The following LCOR variants were observed in gnomAD, a reference collection of about 807,000 sequenced individuals.
LCOR encodes the protein ligand dependent nuclear receptor corepressor.
LCOR carries 14 observed loss-of-function variants against 64.4 expected under a neutral mutation model. The ratio of observed to expected loss-of-function variants is 0.22; its 90% CI spans 0.14 to 0.34. The LOEUF (loss-of-function observed/expected upper bound fraction) is 0.34, where lower values mean the gene tolerates loss of function less well. Among genes scored for constraint, LCOR ranks in the 10% least tolerant of loss-of-function variants. LCOR has a pLI of 1.00. For synonymous variants in LCOR, 643 were observed against 642.5 expected, an observed-to-expected ratio of 1.00 and a Z score of -0.01; for missense variants, 1,686 against 1,765.3, an observed-to-expected ratio of 0.96 and a Z score of 0.80.
At chr10:96,927,435 T>C (rs1201376322) in intron 4 of LCOR, among the ~76,000 whole-genome samples, 1 of 152,094 alleles carries the variant, frequency 6.6e-6, no homozygotes, top group African/African-American at 2.4e-5. Context: ...TGTCTTTTTC[T>C]TTGCGTCATT....
intron 2 of LCOR, among the ~76,000 whole-genome samples, chr10:96,838,863 C>T (rs983099747): frequency 6.6e-6 from 1 of 151,686 alleles, no homozygotes; most frequent in Non-Finnish European, 1.5e-5. Context: ...ATTACTGGGT[C>T]ATGTGGTAAC....
chr10:96,854,416 T>C (rs1845769896), intron 2 of LCOR, among the ~76,000 whole-genome samples: 1 of 152,234 alleles, frequency 6.6e-6, no homozygotes, highest in East Asian at 1.9e-4. Flanking sequence ...AGCCTCCGCC[T>C]CCTGGGTTCA....
At chr10:96,965,006 T>TA (rs199815564) in intron 7 of LCOR, among the ~76,000 whole-genome samples, 1 of 151,626 alleles carries the variant, frequency 6.6e-6, no homozygotes. Flanking sequence ...GCTCAACATT[T>TA]AAAAAAAATT....
In LCOR at chr10:96,995,610, C is replaced by T. The variant is rs544940029; in HGVS notation, c.*10476C>T. ...TAAAATTTTAAAATATATTAAGTTG[C>T]TTTAAAACAATATGTATAGCTATAA... On this transcript the variant is annotated 3_prime_UTR_variant, in exon 8 of 8. Coordinates refer to ENST00000421806, the MANE Select transcript of LCOR (RefSeq NM_001346516.2). The surrounding 1 kb of genome is among the most constrained non-coding windows in gnomAD (Gnocchi z 4.2). 6.6e-6 allele frequency: 1 copy of T among 152,242 alleles called. No homozygotes were observed. The highest frequency in any genetic ancestry group is 2.4e-5 in the African/African-American group (1 of 41,528). 9.4% of individuals were successfully genotyped at this position (152,242 alleles called of 1,614,324 possible).
At position 96,949,312 on chromosome 10, in the gene LCOR, A is replaced by G; in HGVS notation, c.238+17A>G. 1 of 1,612,524 alleles carries G rather than the reference A, an allele frequency of 6.2e-7. No individual in the cohort carries two copies. Among genetic ancestry groups the G allele is most frequent in the Non-Finnish European group, 8.5e-7 (1 of 1,178,590 alleles). ...GCGAACAAGGTATGGTTTGATGTCA[A>G]GGTCTCCTCTATCTTATCAGAATAC... On this transcript the variant is annotated intron_variant, in intron 6 of 7. Transcript: ENST00000421806.
At position 96,978,126 on chromosome 10, in the gene LCOR, G is replaced by A. The variant is rs543387978; in HGVS notation, c.333-2667G>A. Reference sequence around the variant, plus strand: ...ACATAGTGACAAAGTTCTTCCTAAAGGGGTCTGGGGTCCTTCAGCAGGGGC... The same window carrying A: ...ACATAGTGACAAAGTTCTTCCTAAAAGGGTCTGGGGTCCTTCAGCAGGGGC... On this transcript the variant is annotated intron_variant, in intron 7 of 7. Coordinates refer to ENST00000421806, the MANE Select transcript of LCOR (RefSeq NM_001346516.2). Among the ~76,000 whole-genome samples, 3 of 152,284 alleles carry A rather than the reference G, an allele frequency of 2.0e-5. No individual in the cohort carries two copies. The East Asian group carries it at 5.8e-4, about 29-fold the overall frequency.
chr10:96,981,283 A>C lies in LCOR; in HGVS notation c.823A>C (p.Asn275His). 7.5e-7 allele frequency: 1 copy of C among 1,332,996 alleles called. No individual in the cohort carries two copies. Among genetic ancestry groups the C allele is most frequent in the Non-Finnish European group, 1.1e-6 (1 of 933,368 alleles). The allele number at this position is 1,332,996 out of a possible 1,614,324, so 82.6% of individuals were successfully genotyped here. ...CACTCCGGGATACCTCACTGCATCT[A>C]ATTGTTCCTCAGTGAACTTCCACCA... ...SFTPGYLTAS[N>H]CSSVNFHHIP... The change falls in exon 8 of 8, where the codon AAT (asparagine) becomes CAT (histidine). Residue 275 changes from asparagine to histidine, a missense_variant. Physicochemically the swap from Asn to His is moderately conservative, Grantham distance 68. Around this residue, in one of 3 missense-constraint regions of LCOR, gnomAD observed 313 missense variants for 247.2 expected, o/e 1.27. Transcript: ENST00000421806.
chr10:96,913,759 T>A (rs1207413891), intron 4 of LCOR, among the ~76,000 whole-genome samples: 1 of 152,140 alleles, frequency 6.6e-6, no homozygotes, highest in African/African-American at 2.4e-5. Flanking sequence ...CCATCTCTAC[T>A]GAAAATACAA....
intron 7 of LCOR, chr10:96,958,405 G>GT: frequency 2.7e-6 from 4 of 1,505,874 alleles, no homozygotes; most frequent in Non-Finnish European, 3.6e-6. Context: ...TTCTATGTGT[G>GT]TTTCAGTGGA....
intron 7 of LCOR, among the ~76,000 whole-genome samples, chr10:96,954,054 T>C (rs181955388): frequency 1.3e-5 from 2 of 152,192 alleles, no homozygotes; most frequent in Non-Finnish European, 2.9e-5. Flanking sequence ...AATTTCAAAA[T>C]AGGTGTTTGG....
At chr10:96,872,152 A>T (rs1201964159) in intron 2 of LCOR, among the ~76,000 whole-genome samples, 2 of 152,236 alleles carry the variant, frequency 1.3e-5, no homozygotes, top group Non-Finnish European at 2.9e-5. Context: ...ATAGATAGCC[A>T]TGTCTGATAG....
chr10:96,984,063 G>A lies in LCOR; in HGVS notation c.3603G>A (p.Lys1201=), dbSNP rs1309645140. ...CCCGGTCTCTAGTCATTGTGAAGAA[G>A]CTCAATACTCGCCTTCCAGGAGACG... is the stretch of plus-strand genomic sequence containing the variant. ...TETRSLVIVK[K]LNTRLPGDVP... Residue 1201 remains lysine, a synonymous_variant, in exon 8 of 8, where the codon AAG becomes AAA. Coordinates refer to ENST00000421806, the MANE Select transcript of LCOR (RefSeq NM_001346516.2). The A allele has an allele frequency of 1.2e-6, 2 of 1,614,004 alleles. No individual in the cohort carries two copies. Among genetic ancestry groups the A allele is most frequent in the South Asian group, 2.2e-5 (2 of 91,042 alleles).
intron 2 of LCOR, among the ~76,000 whole-genome samples, chr10:96,860,373 A>T (rs1298101880): frequency 6.6e-6 from 1 of 152,232 alleles, no homozygotes; most frequent in East Asian, 1.9e-4. Flanking sequence ...GACACGGAAG[A>T]TGGAGGCAGG....
intron 2 of LCOR, among the ~76,000 whole-genome samples, chr10:96,847,264 A>G (rs1327754536): frequency 6.6e-6 from 1 of 151,736 alleles, no homozygotes; most frequent in East Asian, 1.9e-4. Flanking sequence ...AAGAGAAGCT[A>G]GAATTTTCCA....
intron 4 of LCOR, among the ~76,000 whole-genome samples, chr10:96,911,795 C>G (rs74850700): frequency 0.015 from 2,330 of 152,262 alleles, 23 homozygotes; most frequent in Non-Finnish European, 0.026. Context: ...ATAAAGTAGG[C>G]ACTCTAAAAT....
chr10:96,842,019 G>T (rs1035201752), intron 2 of LCOR, among the ~76,000 whole-genome samples: 2 of 151,860 alleles, frequency 1.3e-5, no homozygotes, highest in African/African-American at 4.8e-5. Flanking sequence ...AATGATTATT[G>T]TGTATAGTTC....
At chr10:96,962,781 C>G (rs1036836286) in intron 7 of LCOR, 1 of 152,086 alleles carries the variant, frequency 6.6e-6, no homozygotes. Flanking sequence ...AATGTATAAA[C>G]TATACATTTG....
chr10:96,962,760 C>T (rs1847900553), intron 7 of LCOR: 3 of 151,796 alleles, frequency 2.0e-5, no homozygotes, highest in African/African-American at 7.3e-5. Context: ...CTTATTGCTG[C>T]TTTGAAAAAA....
At chr10:96,901,812 C>G (rs1473857168) in intron 2 of LCOR, among the ~76,000 whole-genome samples, 1 of 152,138 alleles carries the variant, frequency 6.6e-6, no homozygotes, top group African/African-American at 2.4e-5. Flanking sequence ...CTCTGTTGCC[C>G]TGGCTGGAGT....
Sources: gnomAD v4.1 joint callset for allele counts (sites outside exome capture counted in the v4.1 genomes callset) on GRCh38, gnomAD v4.1.1 for gene constraint, gnomAD v4.1.1 regional missense constraint, Gnocchi (gnomAD v3.1) non-coding constraint, MANE v1.5 for transcripts, NCBI Gene and HGNC (gene_info 2026-07-23, HGNC 2026-07-21) for gene names.